The following RUNX2 variants were observed in gnomAD, a reference collection of about 807,000 sequenced individuals.
RUNX2 encodes the protein RUNX family transcription factor 2.
In RUNX2, 10 loss-of-function variants were observed where a neutral mutation model predicts 51.7. The observed-to-expected ratio is 0.19, with a 90% CI of 0.12 to 0.33. The LOEUF is 0.33. Ranked by LOEUF, RUNX2 falls within the 10% of genes least tolerant of loss-of-function variation. RUNX2 has a pLI of 1.00. For synonymous variants in RUNX2, 276 were observed against 273.6 expected (o/e 1.01, Z -0.09); for missense variants, 562 against 691.3 (o/e 0.81, Z 2.10).
chr6:45,481,794 G>A (rs549740996), intron 5 of RUNX2, among the ~76,000 whole-genome samples: 1 of 152,310 alleles, frequency 6.6e-6, no homozygotes, highest in South Asian at 2.1e-4. Context: ...TTAGGGGACT[G>A]CCTCCCAGTG....
intron 6 of RUNX2, among the ~76,000 whole-genome samples, chr6:45,501,086 C>G (rs1432280685): frequency 6.6e-6 from 1 of 152,220 alleles, no homozygotes; most frequent in Non-Finnish European, 1.5e-5. Flanking sequence ...CTTAGCCATT[C>G]TTCAGCTATT....
intron 2 of RUNX2, among the ~76,000 whole-genome samples, chr6:45,383,303 G>A (rs1797280571): frequency 6.6e-6 from 1 of 152,022 alleles, no homozygotes; most frequent in African/African-American, 2.4e-5. Context: ...CAGGTGGGGT[G>A]GCACATGACT....
At chr6:45,405,095 T>C (rs1169155474) in intron 2 of RUNX2, among the ~76,000 whole-genome samples, 1 of 152,256 alleles carries the variant, frequency 6.6e-6, no homozygotes, top group Non-Finnish European at 1.5e-5. Flanking sequence ...TTTTCATCCA[T>C]GCAAATTCTG....
At chr6:45,358,417 T>G (rs1793631666) in intron 2 of RUNX2, among the ~76,000 whole-genome samples, 1 of 152,200 alleles carries the variant, frequency 6.6e-6, no homozygotes, top group Non-Finnish European at 1.5e-5. Flanking sequence ...TGTGGAAAGT[T>G]CTACAGCATG....
intron 4 of RUNX2, among the ~76,000 whole-genome samples, chr6:45,434,303 T>C (rs890430569): frequency 1.3e-5 from 2 of 152,180 alleles, no homozygotes; most frequent in Non-Finnish European, 2.9e-5. Context: ...AGCTTCCTCT[T>C]TGATTTTCAC....
chr6:45,493,572 G>T (rs1262878134), intron 6 of RUNX2, among the ~76,000 whole-genome samples: 5 of 151,904 alleles, frequency 3.3e-5, no homozygotes, highest in African/African-American at 9.7e-5. Context: ...TGGGTTATGG[G>T]TGCACTAAAA....
chr6:45,448,334 A>G (rs1799062154), intron 5 of RUNX2, among the ~76,000 whole-genome samples: 1 of 152,256 alleles, frequency 6.6e-6, no homozygotes, highest in Non-Finnish European at 1.5e-5. Context: ...CAACCGGAGC[A>G]GGAATCCTTA....
intron 2 of RUNX2, among the ~76,000 whole-genome samples, chr6:45,408,114 T>C (rs1797875124): frequency 1.4e-5 from 2 of 147,656 alleles, no homozygotes; most frequent in Admixed American, 1.3e-4. Flanking sequence ...GTGGTGCTTT[T>C]GGTGCCTTGA....
chr6:45,390,573 TG>T (rs1797449606), intron 2 of RUNX2, among the ~76,000 whole-genome samples: 1 of 152,194 alleles, frequency 6.6e-6, no homozygotes, highest in Non-Finnish European at 1.5e-5. Flanking sequence ...CTAGTCTTGA[TG>T]GTGTGGTGAG....
rs570136037 is a variant in RUNX2, at chr6:45,446,628, C to A, written c.685+8577C>A. On this transcript the variant is annotated intron_variant, in intron 5 of 8. Transcript: ENST00000647337. ...GGCAATTTCTTCAAGGAAGACTAGA[C>A]CAGTGAATAGGACATACTTAAAAAT... is the stretch of plus-strand genomic sequence containing the variant. 3.3e-5 allele frequency among the ~76,000 whole-genome samples: 5 copies of A among 151,834 alleles called. No homozygotes were observed. The South Asian group carries it at 8.3e-4, about 25-fold the overall frequency.
chr6:45,434,705 AT>A (rs902466427), intron 4 of RUNX2, among the ~76,000 whole-genome samples: 4 of 151,502 alleles, frequency 2.6e-5, no homozygotes, highest in Non-Finnish European at 2.9e-5. Context: ...TGGTCCTTAA[AT>A]TTTTTTTTGG....
At chr6:45,511,375 T>C (rs1801140514) in intron 6 of RUNX2, among the ~76,000 whole-genome samples, 1 of 152,216 alleles carries the variant, frequency 6.6e-6, no homozygotes. Context: ...ATTCCAGACA[T>C]GTGACTTCTT....
chr6:45,524,970 G>C (rs1010034104), intron 7 of RUNX2, among the ~76,000 whole-genome samples: 2 of 152,210 alleles, frequency 1.3e-5, no homozygotes, highest in African/African-American at 2.4e-5. Context: ...AATTAGCTGG[G>C]TGTGGTGGCG....
At chr6:45,401,787 C>T (rs1011619170) in intron 2 of RUNX2, among the ~76,000 whole-genome samples, 3 of 152,248 alleles carry the variant, frequency 2.0e-5, no homozygotes, top group African/African-American at 7.2e-5. Context: ...TCAACCTCTT[C>T]CAATGGCCTC....
intron 7 of RUNX2, among the ~76,000 whole-genome samples, chr6:45,539,364 G>C (rs12198347): frequency 6.6e-6 from 1 of 152,086 alleles, no homozygotes; most frequent in African/African-American, 2.4e-5. Context: ...GGATAGTCGA[G>C]GGACTTTCCC....
At chr6:45,542,617 T>A (rs549637717) in intron 7 of RUNX2, among the ~76,000 whole-genome samples, 1 of 152,346 alleles carries the variant, frequency 6.6e-6, no homozygotes, top group Admixed American at 6.5e-5. Context: ...CTAAAAGAGT[T>A]ATTAATAATA....
At position 45,373,008 on chromosome 6, in the gene RUNX2, T is replaced by G. The variant is rs6930090; in HGVS notation, c.58+44224T>G. ...ATTTTTAGTAGACAGAGTTTCACCA[T>G]GTTGGCCAGGCTGGTCTCAAACTCC... is the stretch of plus-strand genomic sequence containing the variant. On this transcript the variant is annotated intron_variant, in intron 2 of 8. Transcript: ENST00000647337. 8.7e-3 allele frequency among the ~76,000 whole-genome samples: 1,319 copies of G among 152,266 alleles called. 21 individuals carry two copies. The highest frequency in any genetic ancestry group is 0.03 in the African/African-American group (1,248 of 41,540).
At chr6:45,380,582 A>G (rs114594632) in intron 2 of RUNX2, among the ~76,000 whole-genome samples, 3,959 of 152,002 alleles carry the variant, frequency 0.026, 195 homozygotes, top group African/African-American at 0.09. Flanking sequence ...GTTTCTTTTT[A>G]TTATTATTTT....
intron 7 of RUNX2, among the ~76,000 whole-genome samples, chr6:45,538,772 G>A (rs1802119055): frequency 6.6e-6 from 1 of 151,376 alleles, no homozygotes; most frequent in South Asian, 2.1e-4. Context: ...GTTTCCATAT[G>A]TGTTCCCAAT....
Sources: gnomAD v4.1 joint callset for allele counts (sites outside exome capture counted in the v4.1 genomes callset) on GRCh38, gnomAD v4.1.1 for gene constraint, MANE v1.5 for transcripts, NCBI Gene and HGNC (gene_info 2026-07-23, HGNC 2026-07-21) for gene names.